C14orf132: variants seen among roughly 807,000 people sequenced by gnomAD.
The protein encoded by C14orf132 is chromosome 14 open reading frame 132.
A neutral mutation model predicts 5.8 loss-of-function variants in C14orf132; 6 were observed. The observed-to-expected ratio is 1.03, with a 90% CI of 0.57 to 2.04. C14orf132 has a LOEUF of 2.04. Ranked by LOEUF, C14orf132 falls within the 30% of genes most tolerant of loss-of-function variation. C14orf132 has a pLI of 0.00. For missense variants in C14orf132, 125 were observed against 115.8 expected (o/e 1.08, Z -0.37); for synonymous variants, 51 against 49.8 (o/e 1.02, Z -0.10).
chr14:96,073,102 C>A (rs966999018), intron 1 of C14orf132, among the ~76,000 whole-genome samples: 1 of 152,022 alleles, frequency 6.6e-6, no homozygotes, highest in Non-Finnish European at 1.5e-5. Flanking sequence ...CAGCAAGGTA[C>A]AAGAGTTCTG....
rs1888258793 is a variant in C14orf132 at position 96,088,025 on chromosome 14, A to T, written c.*1290A>T. ...TGGGAAAGGTCCCAGAAGGGGGCTC[A>T]CTCACCTCTAGGCCCAGAGAGGCTT... On this transcript the variant is annotated 3_prime_UTR_variant, in exon 2 of 2. Transcript: ENST00000555004. The T allele has an allele frequency of 3.4e-5, 5 of 147,252 alleles. No individual in the cohort carries two copies. The South Asian group carries it at 6.5e-4, about 19-fold the overall frequency. The allele number at this position is 147,252 out of a possible 1,614,324, so 9.1% of individuals were successfully genotyped here.
At chr14:96,079,942 AATT>A (rs1307899802) in intron 1 of C14orf132, among the ~76,000 whole-genome samples, 1 of 152,238 alleles carries the variant, frequency 6.6e-6, no homozygotes, top group African/African-American at 2.4e-5. Flanking sequence ...AACAACAAAT[AATT>A]ATTTAGGATA....
chr14:96,064,607 T>G (rs1887475245), intron 1 of C14orf132, among the ~76,000 whole-genome samples: 1 of 151,726 alleles, frequency 6.6e-6, no homozygotes, highest in Admixed American at 6.6e-5. Context: ...TTCTCACTGG[T>G]ATGTGGGAGC....
intron 1 of C14orf132, among the ~76,000 whole-genome samples, chr14:96,045,961 G>T (rs989124911): frequency 6.6e-6 from 1 of 152,164 alleles, no homozygotes; most frequent in Non-Finnish European, 1.5e-5. Flanking sequence ...GGTGCCTCTA[G>T]GCAACTTGGC....
chr14:96,076,363 G>C (rs1334542300), intron 1 of C14orf132, among the ~76,000 whole-genome samples: 1 of 152,158 alleles, frequency 6.6e-6, no homozygotes, highest in Non-Finnish European at 1.5e-5. Flanking sequence ...TCTTTTAAAA[G>C]AACCAGTTTG....
intron 1 of C14orf132, among the ~76,000 whole-genome samples, chr14:96,079,257 T>G (rs1020760456): frequency 2.0e-5 from 3 of 152,116 alleles, no homozygotes; most frequent in African/African-American, 7.2e-5. Flanking sequence ...TATCTTCATT[T>G]TACAGATAAG....
At chr14:96,060,160 T>C (rs924642044) in intron 1 of C14orf132, among the ~76,000 whole-genome samples, 2 of 152,220 alleles carry the variant, frequency 1.3e-5, no homozygotes, top group African/African-American at 4.8e-5. Flanking sequence ...TGAGGACTTC[T>C]CCCTCCCTAT....
rs779668212 is a variant in C14orf132 at position 96,093,795 on chromosome 14, G to A, written c.*7060G>A. 3.3e-5 allele frequency: 5 copies of A among 152,174 alleles called. No individual in the cohort carries two copies. Among genetic ancestry groups the A allele is most frequent in the East Asian group, 1.9e-4 (1 of 5,204 alleles). The allele number at this position is 152,174 out of a possible 1,614,324, so 9.4% of individuals were successfully genotyped here. On this transcript the variant is annotated 3_prime_UTR_variant, in exon 2 of 2. Coordinates refer to ENST00000555004, the MANE Select transcript of C14orf132 (RefSeq NM_001252507.3). ...TTAAAAATATCTAACCTTAAAAGACGTAAAAATGTATCTGTGAAATCTCAC... is the reference window on the plus strand; with the variant it reads ...TTAAAAATATCTAACCTTAAAAGACATAAAAATGTATCTGTGAAATCTCAC...
intron 1 of C14orf132, among the ~76,000 whole-genome samples, chr14:96,057,070 T>C (rs1364311891): frequency 6.6e-6 from 1 of 152,198 alleles, no homozygotes; most frequent in Non-Finnish European, 1.5e-5. Flanking sequence ...CTACAGGGTT[T>C]TGCTGTGGTT....
chr14:96,039,910 G>C lies in C14orf132; in HGVS notation c.27+383G>C, dbSNP rs910393093. 8.5e-5 allele frequency among the ~76,000 whole-genome samples: 13 copies of C among 152,176 alleles called. No homozygotes were observed. Among genetic ancestry groups the C allele is most frequent in the African/African-American group, 2.4e-4 (10 of 41,450 alleles). On this transcript the variant is annotated intron_variant, in intron 1 of 1. Coordinates refer to ENST00000555004, the MANE Select transcript of C14orf132 (RefSeq NM_001252507.3). The surrounding 1 kb of genome is among the most constrained non-coding windows in gnomAD (Gnocchi z 5.3). ...GCTCAGACCCGCGCGAACGTGGATG[G>C]GCACACAGTCTCGCCCTTCCCCACT...
intron 1 of C14orf132, among the ~76,000 whole-genome samples, chr14:96,067,926 G>T (rs1887580191): frequency 1.3e-5 from 2 of 152,068 alleles, no homozygotes; most frequent in South Asian, 2.1e-4. Flanking sequence ...CTGTGTCCTC[G>T]CCTGTCAAAC....
intron 1 of C14orf132, among the ~76,000 whole-genome samples, chr14:96,048,327 C>A (rs1886889612): frequency 6.6e-6 from 1 of 152,106 alleles, no homozygotes; most frequent in Admixed American, 6.6e-5. Flanking sequence ...CCTAAAAGTC[C>A]TCTGGGCTGC....
rs1032149398 is a variant in C14orf132, at chr14:96,066,328, T to C, written c.28-20183T>C. Among the ~76,000 whole-genome samples the C allele has an allele frequency of 6.6e-5, 10 of 152,316 alleles. 1 individual carries two copies. The highest frequency in any genetic ancestry group is 1.9e-4 in the East Asian group (1 of 5,190). ...TTCCATTATTGCTAATCTAAGATGC[T>C]GTGCTCTGATGAGACAGCGTTTTCT... On this transcript the variant is annotated intron_variant, in intron 1 of 1. Transcript: ENST00000555004.
rs1595174820 is a variant in C14orf132 at position 96,058,205 on chromosome 14, A to G, written c.27+18678A>G. ...TCCCTGCCCGCACTTCGTGAGGCACATCCTCCTCACTCGGTCACTGTACAC... is the reference window on the plus strand; with the variant it reads ...TCCCTGCCCGCACTTCGTGAGGCACGTCCTCCTCACTCGGTCACTGTACAC... On this transcript the variant is annotated intron_variant, in intron 1 of 1. Transcript: ENST00000555004. Among the ~76,000 whole-genome samples the G allele has an allele frequency of 2.0e-5, 3 of 152,180 alleles. No homozygotes were observed. The South Asian group carries it at 6.2e-4, about 32-fold the overall frequency.
rs1242082292 is a variant in C14orf132 at position 96,092,348 on chromosome 14, TC to T, written c.*5615del. ...TCTTGGGTCCTTTTTCAAGCTGATT[TC>T]CTGCCTCCCCAAGAGGAGGTTTGAG... On this transcript the variant is annotated 3_prime_UTR_variant, in exon 2 of 2. Transcript: ENST00000555004. The T allele has an allele frequency of 6.6e-6, 1 of 152,216 alleles. No homozygotes were observed. The highest frequency in any genetic ancestry group is 1.5e-5 in the Non-Finnish European group (1 of 68,040). 9.4% of individuals were successfully genotyped at this position (152,216 alleles called of 1,614,324 possible).
Position 96,039,370 on chromosome 14 carries a change from A to C in C14orf132, c.-131A>C. ...AGTAGAGATCTGGAGCCAGAAGCCC[A>C]GAGACAGCCGAGTGCGCCGTGCGGT... On this transcript the variant is annotated 5_prime_UTR_variant, in exon 1 of 2. Transcript: ENST00000555004. This position sits in a 1 kb window ranked among gnomAD's most constrained non-coding sequence, Gnocchi z 5.3. 1 of 775,268 alleles carries C rather than the reference A, an allele frequency of 1.3e-6. No individual in the cohort carries two copies. The highest frequency in any genetic ancestry group is 3.1e-5 in the South Asian group (1 of 31,880). The allele number at this position is 775,268 out of a possible 1,614,324, so 48.0% of individuals were successfully genotyped here.
chr14:96,072,198 A>C (rs12883237), intron 1 of C14orf132, among the ~76,000 whole-genome samples: 73,018 of 152,152 alleles, frequency 0.48, 18,079 homozygotes, highest in East Asian at 0.62. Context: ...AGGCCTGTCG[A>C]AACACCACAG....
At chr14:96,083,048 T>C (rs1438378079) in intron 1 of C14orf132, among the ~76,000 whole-genome samples, 1 of 152,164 alleles carries the variant, frequency 6.6e-6, no homozygotes, top group Non-Finnish European at 1.5e-5. Context: ...CCATCCTCTT[T>C]GGCAGTTCTG....
rs368815860 is a variant in C14orf132 at position 96,069,555 on chromosome 14, A to G, written c.28-16956A>G. On this transcript the variant is annotated intron_variant, in intron 1 of 1. Coordinates refer to ENST00000555004, the MANE Select transcript of C14orf132 (RefSeq NM_001252507.3). ...CCAGGGCAGGCATGGGATGTGCATGAAGCTGGACAACTGGCAGCCCAGTTT... is the reference window on the plus strand; with the variant it reads ...CCAGGGCAGGCATGGGATGTGCATGGAGCTGGACAACTGGCAGCCCAGTTT... Among the ~76,000 whole-genome samples, 20 of 152,210 alleles carry G rather than the reference A, an allele frequency of 1.3e-4. No individual in the cohort carries two copies. The East Asian group carries it at 1.9e-3, about 15-fold the overall frequency.
Sources: allele counts gnomAD v4.1 joint callset (sites outside exome capture counted in the v4.1 genomes callset), GRCh38; gene constraint gnomAD v4.1.1; non-coding constraint Gnocchi (gnomAD v3.1); transcripts MANE v1.5; gene names NCBI Gene and HGNC (gene_info 2026-07-23, HGNC 2026-07-21).